The following CCDC14 variants were observed in gnomAD, a reference collection of about 807,000 sequenced individuals.
The protein encoded by CCDC14 is coiled-coil domain-containing protein 14.
In CCDC14, 71 loss-of-function variants were observed where a neutral mutation model predicts 81.4. The ratio of observed to expected loss-of-function variants is 0.87; its 90% CI spans 0.72 to 1.06. The LOEUF (loss-of-function observed/expected upper bound fraction) is 1.06, where lower values mean the gene tolerates loss of function less well. Among genes scored for constraint, CCDC14 ranks in the 50% least tolerant of loss-of-function variants. CCDC14 has a pLI of 0.00. For synonymous variants in CCDC14, 332 were observed against 364.8 expected (o/e 0.91, Z 1.03); for missense variants, 1,046 against 1,047.3 (o/e 1.00, Z 0.02).
intron 5 of CCDC14, chr3:123,955,404 A>G (rs543470454): frequency 4.6e-5 from 7 of 152,196 alleles, no homozygotes; most frequent in African/African-American, 1.7e-4. Context: ...TTACCTTCCT[A>G]TGTACCATGT....
chr3:123,933,426 T>C, intron 10 of CCDC14: 1 of 453,764 alleles, frequency 2.2e-6, no homozygotes, highest in Non-Finnish European at 3.9e-6. Flanking sequence ...CAGTAGGTAT[T>C]CAGTAAGTGT....
the CCDC14 span, among the ~76,000 whole-genome samples, chr3:123,891,119 C>T: frequency 6.6e-6 from 1 of 151,528 alleles, no homozygotes; most frequent in Admixed American, 6.6e-5. Context: ...AGCTGGGACA[C>T]AGGGCACCTA....
intron 12 of CCDC14, among the ~76,000 whole-genome samples, chr3:123,928,964 A>G (rs2035545956): frequency 6.6e-6 from 1 of 152,244 alleles, no homozygotes; most frequent in East Asian, 1.9e-4. Flanking sequence ...CATAGGAAAG[A>G]CAGAACTTTG....
intron 12 of CCDC14, among the ~76,000 whole-genome samples, chr3:123,916,332 T>G (rs1455372437): frequency 6.6e-6 from 1 of 152,084 alleles, no homozygotes; most frequent in Non-Finnish European, 1.5e-5. Flanking sequence ...ACTAGGTTCA[T>G]TCTTGAGCAG....
At chr3:123,958,845 CTA>C (rs1003221659) in intron 1 of CCDC14, 5 of 152,032 alleles carry the variant, frequency 3.3e-5, no homozygotes, top group Non-Finnish European at 5.9e-5. Context: ...CATTCTGTTT[CTA>C]TGAGTTTTAA....
In CCDC14 at chr3:123,914,888, GA is replaced by G; in HGVS notation, c.2608del (p.Ser870GlnfsTer18). ...LMSDWSISSF[S>X]TFTSRDEQDF... The stretch of plus-strand genomic sequence containing the variant: ...TTGTTCATCACGAGAAGTGAACGTT[GA>G]AAACGAAGAGATGCTCCAGTCAGAC... On this transcript the variant is annotated frameshift_variant, in exon 13 of 13. Coordinates refer to ENST00000409697, the MANE Select transcript of CCDC14 (RefSeq NM_001366335.1). LOFTEE classifies it high-confidence loss of function. 10 of 1,613,730 alleles carry G rather than the reference GA, an allele frequency of 6.2e-6. No homozygotes were observed. Among genetic ancestry groups the G allele is most frequent in the Non-Finnish European group, 8.5e-6 (10 of 1,179,764 alleles).
At chr3:123,948,834 C>G (rs777218174) in intron 6 of CCDC14, 49 bp from the exon 7 acceptor site, 2 of 1,579,458 alleles carry the variant, frequency 1.3e-6, no homozygotes, top group Non-Finnish European at 1.7e-6. Context: ...ACTTTTTATA[C>G]AGTAACCAAG....
chr3:123,914,697 C>A lies in CCDC14; in HGVS notation c.*82G>T, dbSNP rs2034555989. ...CTTCACACATAATAACATAAAACAT[C>A]ATTTCACTAAAGAAAAATACACATT... On this transcript the variant is annotated 3_prime_UTR_variant, in exon 13 of 13. Coordinates refer to ENST00000409697, the MANE Select transcript of CCDC14 (RefSeq NM_001366335.1). The A allele has an allele frequency of 7.6e-6, 11 of 1,445,144 alleles. No individual in the cohort carries two copies. The highest frequency in any genetic ancestry group is 2.5e-5 in the East Asian group (1 of 40,092). 89.5% of individuals were successfully genotyped at this position (1,445,144 alleles called of 1,614,324 possible).
chr3:123,924,153 T>C (rs575030026), intron 12 of CCDC14, among the ~76,000 whole-genome samples: 2 of 152,136 alleles, frequency 1.3e-5, no homozygotes, highest in African/African-American at 4.8e-5. Context: ...TTATGGCCAA[T>C]TGATTTTTCA....
At chr3:123,929,460 G>A (rs917393007) in intron 12 of CCDC14, among the ~76,000 whole-genome samples, 4 of 151,968 alleles carry the variant, frequency 2.6e-5, no homozygotes, top group South Asian at 2.1e-4. Flanking sequence ...GCACGACCAC[G>A]CACAGCTAAC....
intron 5 of CCDC14, among the ~76,000 whole-genome samples, chr3:123,898,884 G>GTTTTT (rs10675830): frequency 2.9e-5 from 4 of 139,596 alleles, no homozygotes; most frequent in African/African-American, 7.9e-5. Context: ...TTGTTTGGTT[G>GTTTTT]TTTTTTTTTT....
chr3:123,938,958 A>G (rs1055781606), intron 9 of CCDC14, among the ~76,000 whole-genome samples: 3 of 151,986 alleles, frequency 2.0e-5, no homozygotes, highest in Non-Finnish European at 4.4e-5. Flanking sequence ...TCTGATCTAT[A>G]ACCATAATTT....
rs1039667873 is a variant in CCDC14 at position 123,914,237 on chromosome 3, A to G, written c.*542T>C. ...TGTTATCTATATATTTTTTAGACCA[A>G]TCAATGTTTTTTAAGAGGTGTAGAT... On this transcript the variant is annotated 3_prime_UTR_variant, in exon 13 of 13. Transcript: ENST00000409697. 11 of 984,226 alleles carry G rather than the reference A, an allele frequency of 1.1e-5. No individual in the cohort carries two copies. The African/African-American group carries it at 1.9e-4, about 17-fold the overall frequency. The allele number at this position is 984,226 out of a possible 1,614,324, so 61.0% of individuals were successfully genotyped here.
chr3:123,947,108 AGG>A lies in CCDC14; in HGVS notation c.894_895del (p.Leu299ThrfsTer39). On this transcript the variant is annotated frameshift_variant, in exon 8 of 13. Coordinates refer to ENST00000409697, the MANE Select transcript of CCDC14 (RefSeq NM_001366335.1). LOFTEE classifies it high-confidence loss of function. ...CAAATATGTTTGAATACATTTTAGT[AGG>A]TCTGTTTCCTTATGAATTCCTTGTT... is the stretch of plus-strand genomic sequence containing the variant. 5 of 1,613,960 alleles carry A rather than the reference AGG, an allele frequency of 3.1e-6. No homozygotes were observed. In the South Asian group the frequency reaches 5.5e-5, roughly 18 times the overall value.
the CCDC14 span, among the ~76,000 whole-genome samples, chr3:123,886,518 C>T: frequency 6.6e-6 from 1 of 152,104 alleles, no homozygotes; most frequent in Non-Finnish European, 1.5e-5. Context: ...CTGCCTCAGC[C>T]TCCTGAATAG....
chr3:123,905,862 A>G (rs971393103), intron 5 of CCDC14, among the ~76,000 whole-genome samples: 4 of 152,254 alleles, frequency 2.6e-5, no homozygotes, highest in Non-Finnish European at 4.4e-5. Flanking sequence ...GCCTGAATTT[A>G]AAATACACAT....
chr3:123,931,087 G>C lies in CCDC14; in HGVS notation c.1778+15C>G, dbSNP rs746960285. 9.0e-6 allele frequency: 14 copies of C among 1,560,414 alleles called. No homozygotes were observed. The East Asian group carries it at 3.2e-4, about 35-fold the overall frequency. ...ATAAAAAAGGCATGAGTTATTCAAA[G>C]GAAGTCAATTTTACCTGGTTAATTC... On this transcript the variant is annotated intron_variant, in intron 12 of 12. Coordinates refer to ENST00000409697, the MANE Select transcript of CCDC14 (RefSeq NM_001366335.1).
chr3:123,952,765 C>T (rs376075558), intron 5 of CCDC14: 7 of 279,628 alleles, frequency 2.5e-5, no homozygotes, highest in East Asian at 1.7e-4. Context: ...TGTAATAGAT[C>T]GCTTAAAGTT....
chr3:123,895,025 T>C (rs992380062), downstream of CCDC14, among the ~76,000 whole-genome samples: 1 of 152,230 alleles, frequency 6.6e-6, no homozygotes, highest in Non-Finnish European at 1.5e-5. Flanking sequence ...ATGTCTGGTG[T>C]GTCAAGACAA....
Sources: allele counts gnomAD v4.1 joint callset (sites outside exome capture counted in the v4.1 genomes callset), GRCh38; gene constraint gnomAD v4.1.1; transcripts MANE v1.5; gene names NCBI Gene and HGNC (gene_info 2026-07-23, HGNC 2026-07-21).